Variants in CCDC192 observed in about 807,000 individuals in gnomAD.
CCDC192 encodes the protein coiled-coil domain-containing protein 192.
chr5:127,707,615 G>C, intron 1 of CCDC192, 94 bp from the exon 2 acceptor site: 1 of 392,438 alleles, frequency 2.5e-6, no homozygotes. Flanking sequence ...ATGTTACAGT[G>C]TAATGATCTA....
At chr5:127,842,902 T>C (rs1750351850) in intron 5 of CCDC192, among the ~76,000 whole-genome samples, 1 of 152,138 alleles carries the variant, frequency 6.6e-6, no homozygotes, top group South Asian at 2.1e-4. Flanking sequence ...ACAGGGCCTG[T>C]TGGGAGCAGC....
At chr5:127,861,326 AAATAAAAATAAACT>A (rs1751355716) in intron 5 of CCDC192, among the ~76,000 whole-genome samples, 1 of 150,744 alleles carries the variant, frequency 6.6e-6, no homozygotes, top group Non-Finnish European at 1.5e-5. Context: ...GTAGTTTTTG[AAATAAAAATAAACT>A]GTAATTTTAA....
intron 2 of CCDC192, among the ~76,000 whole-genome samples, chr5:127,718,197 G>C (rs1463912179): frequency 6.6e-6 from 1 of 151,672 alleles, no homozygotes; most frequent in Non-Finnish European, 1.5e-5. Context: ...AAATGTATAA[G>C]AAAAAAAAGG....
At chr5:127,812,665 G>A (rs967002440) in intron 5 of CCDC192, among the ~76,000 whole-genome samples, 4 of 152,128 alleles carry the variant, frequency 2.6e-5, no homozygotes, top group Admixed American at 2.6e-4. Context: ...TTCTGTGCAC[G>A]AGGAGAGCAT....
chr5:127,807,744 G>T (rs1757871254), intron 5 of CCDC192, among the ~76,000 whole-genome samples: 1 of 152,088 alleles, frequency 6.6e-6, no homozygotes, highest in Non-Finnish European at 1.5e-5. Flanking sequence ...GGCTGATCAG[G>T]AGTCGATATT....
intron 5 of CCDC192, among the ~76,000 whole-genome samples, chr5:127,858,318 T>G (rs910437120): frequency 6.6e-6 from 1 of 152,178 alleles, no homozygotes; most frequent in Non-Finnish European, 1.5e-5. Flanking sequence ...GTGCTCACCA[T>G]TTCTCTTTCC....
intron 1 of CCDC192, among the ~76,000 whole-genome samples, chr5:127,705,417 G>A (rs375884419): frequency 2.6e-5 from 4 of 152,118 alleles, no homozygotes; most frequent in Admixed American, 6.6e-5. Flanking sequence ...TTGCACTCAC[G>A]TATTTTGTTT....
At chr5:127,886,812 A>T (rs1340931060) in intron 6 of CCDC192, among the ~76,000 whole-genome samples, 4 of 152,186 alleles carry the variant, frequency 2.6e-5, no homozygotes, top group African/African-American at 9.6e-5. Flanking sequence ...TTCAAGGGTC[A>T]ATGGTAAATT....
At chr5:127,707,361 C>G (rs1248953738) in intron 1 of CCDC192, among the ~76,000 whole-genome samples, 2 of 151,146 alleles carry the variant, frequency 1.3e-5, no homozygotes, top group Admixed American at 1.3e-4. Context: ...ACAAAGAATT[C>G]TCCACGTCTG....
At chr5:127,932,842 T>G (rs1754077394) in intron 6 of CCDC192, among the ~76,000 whole-genome samples, 1 of 152,152 alleles carries the variant, frequency 6.6e-6, no homozygotes, top group Non-Finnish European at 1.5e-5. Context: ...AATAGTCAGA[T>G]ACAGCATGTC....
chr5:127,843,178 G>A (rs1750370369), intron 5 of CCDC192, among the ~76,000 whole-genome samples: 1 of 151,160 alleles, frequency 6.6e-6, no homozygotes, highest in African/African-American at 2.4e-5. Context: ...GGGATTACAG[G>A]TGCCCGCCAC....
At chr5:127,754,501 A>C in intron 3 of CCDC192, 126 bp downstream of exon 3, 1 of 381,186 alleles carries the variant, frequency 2.6e-6, no homozygotes, top group Non-Finnish European at 4.6e-6. Context: ...ACATACACAC[A>C]CACACACACA....
At chr5:127,865,160 A>C (rs1195007693) in intron 5 of CCDC192, among the ~76,000 whole-genome samples, 1 of 152,168 alleles carries the variant, frequency 6.6e-6, no homozygotes, top group Admixed American at 6.5e-5. Flanking sequence ...TTAAAAAAAT[A>C]AATAAATAAC....
chr5:127,747,156 G>A lies in CCDC192; in HGVS notation c.115-7112G>A, dbSNP rs1323585598. Reference sequence around the variant, plus strand: ...GTTTTAGGGTACATGTGCACATTGTGCAGGTTAGTTACATACGTATACATG... The same window carrying A: ...GTTTTAGGGTACATGTGCACATTGTACAGGTTAGTTACATACGTATACATG... On this transcript the variant is annotated intron_variant, in intron 2 of 6. Transcript: ENST00000514853. Among the ~76,000 whole-genome samples, 3 of 150,670 alleles carry A rather than the reference G, an allele frequency of 2.0e-5. No homozygotes were observed. In the East Asian group the frequency reaches 5.8e-4, roughly 29 times the overall value.
At chr5:127,767,040 G>T (rs957832087) in intron 3 of CCDC192, among the ~76,000 whole-genome samples, 1 of 152,206 alleles carries the variant, frequency 6.6e-6, no homozygotes, top group Admixed American at 6.5e-5. Flanking sequence ...GAGAGAAAGG[G>T]AGACTCCTGA....
intron 3 of CCDC192, among the ~76,000 whole-genome samples, chr5:127,765,621 C>T (rs1755178110): frequency 6.6e-6 from 1 of 152,140 alleles, no homozygotes; most frequent in Admixed American, 6.5e-5. Flanking sequence ...TCAAGGAGCA[C>T]AGCCTGTTTG....
intron 5 of CCDC192, among the ~76,000 whole-genome samples, chr5:127,818,624 C>T (rs1749140067): frequency 6.6e-6 from 1 of 152,122 alleles, no homozygotes; most frequent in Non-Finnish European, 1.5e-5. Context: ...AGGAACCATC[C>T]CTAACCCAGG....
chr5:127,796,068 C>T (rs1757150078), intron 3 of CCDC192, among the ~76,000 whole-genome samples: 1 of 152,136 alleles, frequency 6.6e-6, no homozygotes, highest in African/African-American at 2.4e-5. Flanking sequence ...ACTGAACAAA[C>T]ATTTGTCCAG....
chr5:127,877,311 A>C (rs1752122074), intron 6 of CCDC192, among the ~76,000 whole-genome samples: 1 of 151,618 alleles, frequency 6.6e-6, no homozygotes, highest in South Asian at 2.1e-4. Flanking sequence ...AGAAAACATT[A>C]AATCTTACCC....
Sources: gnomAD v4.1 joint callset for allele counts (sites outside exome capture counted in the v4.1 genomes callset) on GRCh38, gnomAD v4.1.1 for gene constraint, MANE v1.5 for transcripts, NCBI Gene and HGNC (gene_info 2026-07-23, HGNC 2026-07-21) for gene names.